The following GALNT11 variants were observed in gnomAD, a reference collection of about 807,000 sequenced individuals.
GALNT11 encodes UDP-GalNAc:polypeptide N-acetylgalactosaminyltransferase 11.
A neutral mutation model predicts 72.7 loss-of-function variants in GALNT11; 47 were observed. That is an observed-to-expected ratio of 0.65 (90% CI 0.51 to 0.82). The LOEUF is 0.82. Ranked by LOEUF, GALNT11 falls within the 40% of genes least tolerant of loss-of-function variation. GALNT11 has a pLI of 0.00. For synonymous variants in GALNT11, 270 were observed against 286.6 expected (o/e 0.94, Z 0.58); for missense variants, 677 against 778.4 (o/e 0.87, Z 1.55).
At chr7:152,120,760 G>C in intron 10 of GALNT11, 71 bp from the exon 11 acceptor site, 1 of 1,308,116 alleles carries the variant, frequency 7.6e-7, no homozygotes, top group Non-Finnish European at 1.1e-6. Flanking sequence ...ATCAATATGT[G>C]GAAGAATATG....
At chr7:152,099,058 C>T (rs2086580110) in intron 2 of GALNT11, among the ~76,000 whole-genome samples, 1 of 152,078 alleles carries the variant, frequency 6.6e-6, no homozygotes, top group African/African-American at 2.4e-5. Flanking sequence ...TCTCCTGCCT[C>T]AGCCTCCCAA....
intron 1 of GALNT11, among the ~76,000 whole-genome samples, chr7:152,037,864 G>T (rs576918059): frequency 6.6e-6 from 1 of 152,148 alleles, no homozygotes; most frequent in Admixed American, 6.5e-5. Context: ...CACCTCCTGG[G>T]TTCGCATGAT....
chr7:152,116,462 C>A (rs2088864730), intron 8 of GALNT11, among the ~76,000 whole-genome samples: 1 of 152,130 alleles, frequency 6.6e-6, no homozygotes, highest in African/African-American at 2.4e-5. Context: ...GGGTCTCAAA[C>A]TCCTGACCTT....
chr7:152,108,601 C>T (rs917831643), intron 6 of GALNT11, among the ~76,000 whole-genome samples: 1 of 152,130 alleles, frequency 6.6e-6, no homozygotes, highest in East Asian at 1.9e-4. Flanking sequence ...TCAAACACTG[C>T]GGTGTATTTA....
chr7:152,119,262 G>A (rs2089197528), intron 10 of GALNT11: 1 of 152,242 alleles, frequency 6.6e-6, no homozygotes, highest in African/African-American at 2.4e-5. Context: ...TTTCATTTCA[G>A]CTTATGTATG....
intron 1 of GALNT11, among the ~76,000 whole-genome samples, chr7:152,053,732 G>A (rs1163716781): frequency 1.3e-5 from 2 of 152,186 alleles, no homozygotes; most frequent in Admixed American, 1.3e-4. Flanking sequence ...GGTGGCTCAA[G>A]CCTATAATCC....
intron 1 of GALNT11, among the ~76,000 whole-genome samples, chr7:152,089,406 T>C (rs1220314105): frequency 1.3e-5 from 2 of 152,232 alleles, no homozygotes; most frequent in Admixed American, 1.3e-4. Context: ...GAAAGGGTGC[T>C]CATCGCAGTT....
intron 1 of GALNT11, among the ~76,000 whole-genome samples, chr7:152,073,185 A>C (rs1324746786): frequency 6.6e-6 from 1 of 152,140 alleles, no homozygotes; most frequent in Non-Finnish European, 1.5e-5. Context: ...AGCTATTTGA[A>C]ACTCTACAAT....
chr7:152,036,937 A>AT (rs1054410119), intron 1 of GALNT11, among the ~76,000 whole-genome samples: 7 of 152,040 alleles, frequency 4.6e-5, no homozygotes, highest in African/African-American at 1.4e-4. Flanking sequence ...GGATTATTAG[A>AT]TTTTTTTCCT....
chr7:152,040,430 C>G (rs2082800416), intron 1 of GALNT11, among the ~76,000 whole-genome samples: 1 of 152,170 alleles, frequency 6.6e-6, no homozygotes, highest in South Asian at 2.1e-4. Flanking sequence ...TAGCTTCTTT[C>G]CAGGTAATGC....
In GALNT11 at chr7:152,121,779, G is replaced by A; in HGVS notation, c.*102G>A. 2 of 1,436,922 alleles carry A rather than the reference G, an allele frequency of 1.4e-6. No homozygotes were observed. Among genetic ancestry groups the A allele is most frequent in the South Asian group, 2.7e-5 (2 of 74,372 alleles). The allele number at this position is 1,436,922 out of a possible 1,614,324, so 89.0% of individuals were successfully genotyped here. ...GGTTGGGTGGAGCAGAACCATCTTGGAGAAGATGACAGTTCCCTGTCCTCC... is the reference window on the plus strand; with the variant it reads ...GGTTGGGTGGAGCAGAACCATCTTGAAGAAGATGACAGTTCCCTGTCCTCC... On this transcript the variant is annotated 3_prime_UTR_variant, in exon 12 of 12. Coordinates refer to ENST00000430044, the MANE Select transcript of GALNT11 (RefSeq NM_022087.4).
At chr7:152,026,600 G>A (rs1205959271) in intron 1 of GALNT11, among the ~76,000 whole-genome samples, 1 of 152,216 alleles carries the variant, frequency 6.6e-6, no homozygotes, top group Non-Finnish European at 1.5e-5. Context: ...GGCTTCCTCT[G>A]CCCTGTATTT....
intron 1 of GALNT11, among the ~76,000 whole-genome samples, chr7:152,051,159 C>T (rs561860476): frequency 6.8e-6 from 1 of 146,048 alleles, no homozygotes; most frequent in African/African-American, 2.6e-5. Context: ...TTCCATTTGG[C>T]CATCTGGCTC....
rs988324026 is a variant in GALNT11, at chr7:152,102,719, C to T, written c.420-393C>T. On this transcript the variant is annotated intron_variant, in intron 3 of 11. Coordinates refer to ENST00000430044, the MANE Select transcript of GALNT11 (RefSeq NM_022087.4). ...TGAACAGGCTGGACGTGGTGGTTCA[C>T]GCCTGTAGTCCCAGCACTTTGGGAG... is the stretch of plus-strand genomic sequence containing the variant. 6.4e-4 allele frequency among the ~76,000 whole-genome samples: 98 copies of T among 152,222 alleles called. 1 individual carries two copies. In the Middle Eastern group the frequency reaches 0.01, roughly 16 times the overall value.
At chr7:152,073,590 G>A (rs1405360988) in intron 1 of GALNT11, among the ~76,000 whole-genome samples, 1 of 152,146 alleles carries the variant, frequency 6.6e-6, no homozygotes, top group Admixed American at 6.5e-5. Flanking sequence ...TGTGAATAAT[G>A]CTGCAGTTAA....
intron 6 of GALNT11, 83 bp downstream of exon 6, chr7:152,108,370 T>C (rs750526202): frequency 4.6e-6 from 7 of 1,518,514 alleles, no homozygotes; most frequent in Admixed American, 2.1e-5. Flanking sequence ...AATTCCTCCT[T>C]CTTTGTAAGG....
intron 1 of GALNT11, among the ~76,000 whole-genome samples, chr7:152,036,487 A>G (rs2082586493): frequency 6.6e-6 from 1 of 152,114 alleles, no homozygotes; most frequent in African/African-American, 2.4e-5. Flanking sequence ...TTATCCATTC[A>G]TTTGTTGATG....
intron 1 of GALNT11, among the ~76,000 whole-genome samples, chr7:152,083,808 CT>C (rs1331318822): frequency 6.6e-6 from 1 of 152,138 alleles, no homozygotes; most frequent in Non-Finnish European, 1.5e-5. Flanking sequence ...GATTTTGTGT[CT>C]TTTTATCCAA....
intron 5 of GALNT11, among the ~76,000 whole-genome samples, chr7:152,106,704 G>T (rs1446740999): frequency 6.6e-6 from 1 of 152,098 alleles, no homozygotes; most frequent in South Asian, 2.1e-4. Flanking sequence ...TAGCTATTTA[G>T]GTTTTTTTCC....
Sources: gnomAD v4.1 joint callset for allele counts (sites outside exome capture counted in the v4.1 genomes callset) on GRCh38, gnomAD v4.1.1 for gene constraint, MANE v1.5 for transcripts, NCBI Gene and HGNC (gene_info 2026-07-23, HGNC 2026-07-21) for gene names.